The following GALNT13 variants were observed in gnomAD, a reference collection of about 807,000 sequenced individuals.
The protein encoded by GALNT13 is UDP-GalNAc:polypeptide N-acetylgalactosaminyltransferase 13.
In GALNT13, 28 loss-of-function variants were observed where a neutral mutation model predicts 64.2. That is an observed-to-expected ratio of 0.44 (90% CI 0.32 to 0.60). GALNT13 has a LOEUF of 0.60. GALNT13 is among the 20% of genes least tolerant of loss of function. The pLI, the probability that GALNT13 is intolerant of heterozygous loss-of-function variation, is 0.05. For missense variants in GALNT13, 577 were observed against 669.8 expected (o/e 0.86, Z 1.53); for synonymous variants, 214 against 224.6 (o/e 0.95, Z 0.42).
At chr2:153,769,172 G>T in the GALNT13 span, among the ~76,000 whole-genome samples, 1 of 152,086 alleles carries the variant, frequency 6.6e-6, no homozygotes, top group Non-Finnish European at 1.5e-5. Context: ...TCAGTTGTAT[G>T]TAATGTTTTC....
the GALNT13 span, among the ~76,000 whole-genome samples, chr2:153,641,234 A>G: frequency 6.6e-6 from 1 of 152,274 alleles, no homozygotes; most frequent in South Asian, 2.1e-4. Flanking sequence ...TGTAAGCGTA[A>G]GAGCCACCCT....
At chr2:154,410,439 G>A (rs1699742020) in intron 11 of GALNT13, among the ~76,000 whole-genome samples, 1 of 151,948 alleles carries the variant, frequency 6.6e-6, no homozygotes, top group Non-Finnish European at 1.5e-5. Context: ...CAGCTGGTCA[G>A]AAGAGGACTG....
At chr2:153,461,920 T>A in the GALNT13 span, among the ~76,000 whole-genome samples, 1 of 152,128 alleles carries the variant, frequency 6.6e-6, no homozygotes, top group Non-Finnish European at 1.5e-5. Flanking sequence ...ACTGCTCTGA[T>A]ATTATGAGAG....
the GALNT13 span, among the ~76,000 whole-genome samples, chr2:153,595,627 A>AC: frequency 1.3e-5 from 2 of 152,116 alleles, no homozygotes; most frequent in Non-Finnish European, 2.9e-5. Context: ...AAAAAGATTC[A>AC]TCAGAAATAA....
intron 3 of GALNT13, among the ~76,000 whole-genome samples, chr2:153,987,772 G>T (rs1694898013): frequency 6.6e-6 from 1 of 151,560 alleles, no homozygotes; most frequent in South Asian, 2.1e-4. Context: ...CCCTGAGTTG[G>T]GAGATAATTG....
At chr2:153,637,785 G>A in the GALNT13 span, among the ~76,000 whole-genome samples, 2 of 152,150 alleles carry the variant, frequency 1.3e-5, no homozygotes, top group African/African-American at 4.8e-5. Context: ...TATGTAATTA[G>A]GTGCCAACTG....
At chr2:153,873,487 A>C (rs1686136623) in intron 1 of GALNT13, among the ~76,000 whole-genome samples, 1 of 152,224 alleles carries the variant, frequency 6.6e-6, no homozygotes, top group East Asian at 1.9e-4. Flanking sequence ...AAGAACGGAC[A>C]GTGAGCAGGC....
At chr2:154,014,678 G>T (rs1179577197) in intron 3 of GALNT13, among the ~76,000 whole-genome samples, 11 of 93,734 alleles carry the variant, frequency 1.2e-4, no homozygotes, top group African/African-American at 4.3e-4. Context: ...TTTCTCCCAG[G>T]CTGGAGTGCA....
chr2:153,339,918 A>G, the GALNT13 span, among the ~76,000 whole-genome samples: 12 of 152,104 alleles, frequency 7.9e-5, no homozygotes, highest in South Asian at 2.1e-4. Flanking sequence ...ATAAATGTGT[A>G]TATTTATTTC....
intron 4 of GALNT13, among the ~76,000 whole-genome samples, chr2:154,236,414 G>C (rs1428159824): frequency 2.6e-5 from 4 of 152,036 alleles, no homozygotes; most frequent in African/African-American, 9.7e-5. Flanking sequence ...CAGAATTTCT[G>C]TGACAGAAGC....
the GALNT13 span, among the ~76,000 whole-genome samples, chr2:153,430,633 C>T: frequency 1.3e-5 from 2 of 149,846 alleles, no homozygotes; most frequent in African/African-American, 4.9e-5. Flanking sequence ...GATGCTCTGC[C>T]ATGACAGTTG....
chr2:154,253,142 G>A (rs1025909943), intron 7 of GALNT13, among the ~76,000 whole-genome samples: 12 of 152,130 alleles, frequency 7.9e-5, no homozygotes, highest in African/African-American at 2.4e-4. Context: ...TATAGGTGAT[G>A]AAACTGAGGC....
the GALNT13 span, among the ~76,000 whole-genome samples, chr2:153,508,911 A>C: frequency 6.6e-6 from 1 of 152,064 alleles, no homozygotes; most frequent in Non-Finnish European, 1.5e-5. Context: ...CGGCATGTCA[A>C]GTTTCTGGGT....
At chr2:153,535,875 G>A in the GALNT13 span, among the ~76,000 whole-genome samples, 1 of 152,128 alleles carries the variant, frequency 6.6e-6, no homozygotes. Flanking sequence ...GAGGTGGGAA[G>A]GCTAAACTGA....
At chr2:153,374,247 C>G in the GALNT13 span, among the ~76,000 whole-genome samples, 931 of 152,234 alleles carry the variant, frequency 6.1e-3, 10 homozygotes, top group African/African-American at 0.021. Context: ...CACATTCTTG[C>G]CAACACTTGT....
chr2:154,039,427 G>T (rs990256899), intron 3 of GALNT13, among the ~76,000 whole-genome samples: 1 of 140,578 alleles, frequency 7.1e-6, no homozygotes, highest in Admixed American at 7.1e-5. Context: ...ATATTATTCA[G>T]CCATTAAAAG....
At chr2:153,807,972 C>A in the GALNT13 span, among the ~76,000 whole-genome samples, 1 of 152,022 alleles carries the variant, frequency 6.6e-6, no homozygotes, top group East Asian at 1.9e-4. Context: ...AGTTACTAAC[C>A]TGAAACCACT....
intron 3 of GALNT13, among the ~76,000 whole-genome samples, chr2:154,082,370 T>C (rs1019491777): frequency 1.3e-5 from 2 of 151,666 alleles, no homozygotes; most frequent in Non-Finnish European, 1.5e-5. Context: ...AGTTCATAAA[T>C]ATTGAAAATT....
At chr2:153,964,229 G>C (rs1693164856) in intron 3 of GALNT13, among the ~76,000 whole-genome samples, 1 of 152,104 alleles carries the variant, frequency 6.6e-6, no homozygotes, top group Non-Finnish European at 1.5e-5. Context: ...CAAGGGAATT[G>C]ATTGAGCTCA....
Sources: allele counts gnomAD v4.1 joint callset (sites outside exome capture counted in the v4.1 genomes callset), GRCh38; gene constraint gnomAD v4.1.1; transcripts MANE v1.5; gene names NCBI Gene and HGNC (gene_info 2026-07-23, HGNC 2026-07-21).